The following DARS1 variants were observed in gnomAD, a reference collection of about 807,000 sequenced individuals.
The protein encoded by DARS1 is aspartate--tRNA ligase, cytoplasmic.
In DARS1, 51 loss-of-function variants were observed where a neutral mutation model predicts 68.8. The observed-to-expected ratio is 0.74, with a 90% CI of 0.59 to 0.94. DARS1 has a LOEUF of 0.94. Ranked by LOEUF, DARS1 falls within the 40% of genes least tolerant of loss-of-function variation. The probability of loss-of-function intolerance (pLI) is 0.00; values close to 1 mark genes in which losing one functional copy is unlikely to be tolerated. For synonymous variants in DARS1, 203 were observed against 190.4 expected, an observed-to-expected ratio of 1.07 and a Z score of -0.55; for missense variants, 607 against 597.3, an observed-to-expected ratio of 1.02 and a Z score of -0.17.
At chr2:135,975,072 T>C (rs1385317339) in intron 3 of DARS1, among the ~76,000 whole-genome samples, 1 of 152,102 alleles carries the variant, frequency 6.6e-6, no homozygotes, top group African/African-American at 2.4e-5. Context: ...CGGCCGGGCA[T>C]AGTGGCTCAC....
chr2:135,979,758 C>T (rs1217503490), intron 2 of DARS1, among the ~76,000 whole-genome samples: 1 of 152,216 alleles, frequency 6.6e-6, no homozygotes. Flanking sequence ...TAAGGCCAAA[C>T]ACAGCCTATC....
chr2:135,918,249 C>T (rs868396487), intron 10 of DARS1, among the ~76,000 whole-genome samples: 1 of 152,068 alleles, frequency 6.6e-6, no homozygotes, highest in Non-Finnish European at 1.5e-5. Flanking sequence ...CTTTTCTTTG[C>T]TTTATATATC....
intron 3 of DARS1, among the ~76,000 whole-genome samples, chr2:135,963,045 T>C (rs1020013381): frequency 6.6e-6 from 1 of 152,166 alleles, no homozygotes; most frequent in Non-Finnish European, 1.5e-5. Flanking sequence ...ATTTCAGTGC[T>C]ACACAAAGAC....
intron 7 of DARS1, among the ~76,000 whole-genome samples, chr2:135,926,358 C>T (rs764873750): frequency 1.3e-5 from 2 of 152,030 alleles, no homozygotes; most frequent in African/African-American, 2.4e-5. Context: ...ATGGGGAAAA[C>T]GGATCTGTCA....
At chr2:135,947,470 TC>T (rs1290178123) in intron 4 of DARS1, among the ~76,000 whole-genome samples, 1 of 151,324 alleles carries the variant, frequency 6.6e-6, no homozygotes, top group Non-Finnish European at 1.5e-5. Context: ...AACAACTAAA[TC>T]CCTAAAGTAT....
intron 15 of DARS1, among the ~76,000 whole-genome samples, chr2:135,908,144 T>C (rs377635654): frequency 6.6e-6 from 1 of 152,332 alleles, no homozygotes. Context: ...CTACAATTTG[T>C]GTAAAAATAT....
chr2:135,931,846 C>T lies in DARS1; in HGVS notation c.564+937G>A, dbSNP rs149827287. Among the ~76,000 whole-genome samples the T allele has an allele frequency of 2.0e-5, 3 of 152,122 alleles. No individual in the cohort carries two copies. In the East Asian group the frequency reaches 5.8e-4, roughly 29 times the overall value. ...TTTCAATGGTGGCAATGAATTTAAA[C>T]AAAACAATACAACCCAAAACCCAAA... On this transcript the variant is annotated intron_variant, in intron 7 of 15. Coordinates refer to ENST00000264161, the MANE Select transcript of DARS1 (RefSeq NM_001349.4).
In DARS1 at chr2:135,919,731, A is replaced by C. The variant is rs1024683810; in HGVS notation, c.959+722T>G. Among the ~76,000 whole-genome samples the C allele has an allele frequency of 4.6e-5, 7 of 152,208 alleles. No individual in the cohort carries two copies. In the East Asian group the frequency reaches 1.3e-3, roughly 29 times the overall value. ...GTGAAGTGCACATTCTACATGATTC[A>C]ATTTTCTGAACATCTAGAACACATC... is the stretch of plus-strand genomic sequence containing the variant. On this transcript the variant is annotated intron_variant, in intron 10 of 15. Coordinates refer to ENST00000264161, the MANE Select transcript of DARS1 (RefSeq NM_001349.4).
At chr2:135,932,426 A>C (rs980226079) in intron 7 of DARS1, among the ~76,000 whole-genome samples, 1 of 152,170 alleles carries the variant, frequency 6.6e-6, no homozygotes, top group African/African-American at 2.4e-5. Context: ...TTGATCTCAA[A>C]TGTGCATGTA....
At chr2:135,963,558 G>C (rs1682146001) in intron 3 of DARS1, among the ~76,000 whole-genome samples, 2 of 152,046 alleles carry the variant, frequency 1.3e-5, no homozygotes, top group African/African-American at 4.8e-5. Context: ...TTTTAGCAGA[G>C]ATGGGGTTTC....
At chr2:135,959,166 C>T (rs560458999) in intron 4 of DARS1, among the ~76,000 whole-genome samples, 8 of 151,682 alleles carry the variant, frequency 5.3e-5, no homozygotes, top group South Asian at 4.2e-4. Context: ...CTGAGGCGGG[C>T]GGATCACCTG....
intron 3 of DARS1, among the ~76,000 whole-genome samples, chr2:135,966,605 G>T (rs1425071511): frequency 6.6e-6 from 1 of 152,120 alleles, no homozygotes; most frequent in Non-Finnish European, 1.5e-5. Flanking sequence ...ATGGCACGAT[G>T]ACTGCAACCT....
At chr2:135,940,461 C>G (rs1314825474) in intron 5 of DARS1, among the ~76,000 whole-genome samples, 2 of 152,242 alleles carry the variant, frequency 1.3e-5, no homozygotes, top group East Asian at 3.9e-4. Flanking sequence ...ATTCAACAGC[C>G]CTTCATGCTA....
chr2:135,909,791 T>C (rs935275896), intron 15 of DARS1, among the ~76,000 whole-genome samples: 3 of 152,196 alleles, frequency 2.0e-5, no homozygotes, highest in Non-Finnish European at 4.4e-5. Flanking sequence ...TTTCATTGTA[T>C]AGATAAAATA....
chr2:135,923,392 C>T (rs778772623), intron 8 of DARS1, among the ~76,000 whole-genome samples: 3 of 152,050 alleles, frequency 2.0e-5, no homozygotes, highest in South Asian at 2.1e-4. Flanking sequence ...CAGGTTCAAG[C>T]GATTCTCCTG....
At chr2:135,966,816 G>C (rs963462139) in intron 3 of DARS1, among the ~76,000 whole-genome samples, 2 of 152,064 alleles carry the variant, frequency 1.3e-5, no homozygotes, top group Non-Finnish European at 2.9e-5. Context: ...TTACAAGCCT[G>C]GTCTATCTTT....
At position 135,925,061 on chromosome 2, in the gene DARS1, C is replaced by T. The variant is rs1235004374; in HGVS notation, c.565-563G>A. Reference sequence around the variant, plus strand: ...CTGATTTCCAATGTGGTACATAAAACAATAGTAGCGCTCCAACTGTGCAGC... The same window carrying T: ...CTGATTTCCAATGTGGTACATAAAATAATAGTAGCGCTCCAACTGTGCAGC... On this transcript the variant is annotated intron_variant, in intron 7 of 15. Coordinates refer to ENST00000264161, the MANE Select transcript of DARS1 (RefSeq NM_001349.4). Among the ~76,000 whole-genome samples, 7 of 152,102 alleles carry T rather than the reference C, an allele frequency of 4.6e-5. No homozygotes were observed. In the East Asian group the frequency reaches 1.3e-3, roughly 29 times the overall value.
chr2:135,943,247 A>T, intron 5 of DARS1, 131 bp downstream of exon 5: 1 of 1,279,654 alleles, frequency 7.8e-7, no homozygotes, highest in Non-Finnish European at 1.0e-6. Context: ...AACAAAAGCT[A>T]ATTGATTCAG....
intron 10 of DARS1, among the ~76,000 whole-genome samples, chr2:135,920,029 G>A (rs1301472249): frequency 6.6e-6 from 1 of 152,166 alleles, no homozygotes; most frequent in Non-Finnish European, 1.5e-5. Flanking sequence ...CACAGAGAAG[G>A]AGCAGAGCTG....
Sources: allele counts gnomAD v4.1 joint callset (sites outside exome capture counted in the v4.1 genomes callset), GRCh38; gene constraint gnomAD v4.1.1; transcripts MANE v1.5; gene names NCBI Gene and HGNC (gene_info 2026-07-23, HGNC 2026-07-21).